Variants in COL6A6 observed in about 807,000 individuals in gnomAD.
COL6A6 encodes the protein collagen alpha-6(VI) chain.
Under a neutral mutation model 208.6 loss-of-function variants are expected in COL6A6, and 183 were observed. The observed-to-expected ratio is 0.88, with a 90% CI of 0.78 to 0.99. The LOEUF (loss-of-function observed/expected upper bound fraction) is 0.99. Ranked by LOEUF, COL6A6 falls within the 50% of genes least tolerant of loss-of-function variation. The pLI is 0.00. For missense variants in COL6A6, 2,816 were observed against 2,815.2 expected, an observed-to-expected ratio of 1.00 and a Z score of -0.01; for synonymous variants, 973 against 1,011.8, an observed-to-expected ratio of 0.96 and a Z score of 0.73.
At chr3:130,619,058 T>C (rs1369347048) in intron 23 of COL6A6, among the ~76,000 whole-genome samples, 2 of 152,220 alleles carry the variant, frequency 1.3e-5, no homozygotes, top group Admixed American at 6.5e-5. Flanking sequence ...TTCATCCCTC[T>C]TGAGAATCTT....
chr3:130,571,452 A>G (rs2063165738), intron 7 of COL6A6, 59 bp downstream of exon 7: 2 of 1,309,756 alleles, frequency 1.5e-6, no homozygotes, highest in Non-Finnish European at 1.0e-6. Flanking sequence ...TGAGAGAGAA[A>G]GCAAAGCAAT....
chr3:130,600,758 G>T (rs548754776), intron 20 of COL6A6, among the ~76,000 whole-genome samples: 38 of 152,304 alleles, frequency 2.5e-4, no homozygotes, highest in African/African-American at 8.9e-4. Context: ...AATAGCTAAT[G>T]CATGTGGGGC....
intron 20 of COL6A6, among the ~76,000 whole-genome samples, chr3:130,606,012 A>T (rs2064173131): frequency 1.3e-5 from 2 of 152,226 alleles, no homozygotes; most frequent in South Asian, 4.1e-4. Context: ...TGGGAGCTAC[A>T]ATTCAAGATG....
intron 34 of COL6A6, among the ~76,000 whole-genome samples, chr3:130,661,416 G>C (rs962488610): frequency 1.3e-5 from 2 of 152,238 alleles, no homozygotes; most frequent in African/African-American, 4.8e-5. Context: ...AAGTCTGATA[G>C]CATTAGTAAA....
intron 23 of COL6A6, among the ~76,000 whole-genome samples, chr3:130,617,849 G>T (rs1169559422): frequency 6.6e-6 from 1 of 152,122 alleles, no homozygotes; most frequent in Admixed American, 6.5e-5. Context: ...CAAAGTCAAG[G>T]TGTCCTTGGC....
Position 130,574,374 on chromosome 3 carries a change from C to G in COL6A6, c.3396C>G (p.Ile1132Met). 1 of 1,614,044 alleles carries G rather than the reference C, an allele frequency of 6.2e-7. No individual in the cohort carries two copies. Among genetic ancestry groups the G allele is most frequent in the Non-Finnish European group, 8.5e-7 (1 of 1,179,898 alleles). Residue 1132 changes from isoleucine (I) to methionine (M), a missense_variant, in exon 8 of 37, where the codon ATC (isoleucine) becomes ATG (methionine). Coordinates refer to ENST00000358511, the MANE Select transcript of COL6A6 (RefSeq NM_001102608.3). ...CCCTGAGACACAGAGGTATCGACATCTACTCCGTGGGCATTGGGGATGTGG... is the reference window on the plus strand; with the variant it reads ...CCCTGAGACACAGAGGTATCGACATGTACTCCGTGGGCATTGGGGATGTGG... ...AEALRHRGID[I>M]YSVGIGDVDD...
intron 36 of COL6A6, among the ~76,000 whole-genome samples, chr3:130,668,068 G>A (rs1440268134): frequency 6.6e-6 from 1 of 150,656 alleles, no homozygotes; most frequent in Non-Finnish European, 1.5e-5. Context: ...ACAAGCAGAA[G>A]GCACAAAGAC....
In COL6A6 at chr3:130,529,246, A is replaced by G. The variant is rs191633152; in HGVS notation, c.-32+11849A>G. 2.4e-3 allele frequency among the ~76,000 whole-genome samples: 358 copies of G among 151,470 alleles called. 3 individuals carry two copies. Among genetic ancestry groups the G allele is most frequent in the African/African-American group, 8.2e-3 (336 of 41,080 alleles). On this transcript the variant is annotated intron_variant, in intron 1 of 36. Coordinates refer to ENST00000358511, the MANE Select transcript of COL6A6 (RefSeq NM_001102608.3). The stretch of plus-strand genomic sequence containing the variant: ...ACCAATAGCTTTCAATGAAGGGGGG[A>G]AAAACACAGCAGGAAATGTACAAAA...
rs1576328156 is a variant in COL6A6 at position 130,611,911 on chromosome 3, G to A, written c.4815+1200G>A. Among the ~76,000 whole-genome samples the A allele has an allele frequency of 1.3e-5, 2 of 152,202 alleles. 1 individual carries two copies. Among genetic ancestry groups the A allele is most frequent in the South Asian group, 4.2e-4 (2 of 4,812 alleles). On this transcript the variant is annotated intron_variant, in intron 23 of 36. Coordinates refer to ENST00000358511, the MANE Select transcript of COL6A6 (RefSeq NM_001102608.3). ...AGATAATAAGCATAGTACTAAATAAGTATTTTTTTCCGATCCTTTCCCATC... is the reference window on the plus strand; with the variant it reads ...AGATAATAAGCATAGTACTAAATAAATATTTTTTTCCGATCCTTTCCCATC...
At chr3:130,657,118 C>G (rs955405389) in intron 33 of COL6A6, among the ~76,000 whole-genome samples, 2 of 152,374 alleles carry the variant, frequency 1.3e-5, no homozygotes, top group East Asian at 1.9e-4. Flanking sequence ...GGAGCCACAG[C>G]TGGATGGCCG....
chr3:130,635,578 A>G, intron 27 of COL6A6, 121 bp from the exon 28 acceptor site: 1 of 665,832 alleles, frequency 1.5e-6, no homozygotes, highest in East Asian at 2.8e-5. Flanking sequence ...CTCTTCAAAG[A>G]TGACTGTTAA....
intron 1 of COL6A6, among the ~76,000 whole-genome samples, chr3:130,557,141 A>G (rs1213106588): frequency 6.6e-6 from 1 of 152,182 alleles, no homozygotes; most frequent in Non-Finnish European, 1.5e-5. Context: ...ATGACACCTT[A>G]TAGCCTGTGC....
intron 28 of COL6A6, among the ~76,000 whole-genome samples, chr3:130,641,416 CA>C (rs749171963): frequency 1.3e-5 from 2 of 151,056 alleles, no homozygotes; most frequent in Middle Eastern, 3.4e-3. Context: ...GTCTTAATTC[CA>C]AAAAAAATAA....
intron 36 of COL6A6, among the ~76,000 whole-genome samples, chr3:130,668,341 G>A (rs925355972): frequency 9.2e-5 from 14 of 152,098 alleles, no homozygotes; most frequent in Non-Finnish European, 1.9e-4. Flanking sequence ...AGCTGGGCGT[G>A]GTGGCGGGCA....
At position 130,617,591 on chromosome 3, in the gene COL6A6, CAG is replaced by C. The variant is rs145032651; in HGVS notation, c.4816-4228_4816-4227del. Among the ~76,000 whole-genome samples the C allele has an allele frequency of 2.6e-3, 389 of 152,280 alleles. 1 individual carries two copies. The highest frequency in any genetic ancestry group is 9.0e-3 in the African/African-American group (373 of 41,562). ...ACTAGTACTGTCAAGATTGACATCTCAGATGTTTTGGGGTTTGTTCTTGCATT... is the reference window on the plus strand; with the variant it reads ...ACTAGTACTGTCAAGATTGACATCTCATGTTTTGGGGTTTGTTCTTGCATT... On this transcript the variant is annotated intron_variant, in intron 23 of 36. Coordinates refer to ENST00000358511, the MANE Select transcript of COL6A6 (RefSeq NM_001102608.3).
chr3:130,533,064 A>G (rs2062139021), intron 1 of COL6A6, among the ~76,000 whole-genome samples: 1 of 152,028 alleles, frequency 6.6e-6, no homozygotes, highest in Non-Finnish European at 1.5e-5. Context: ...TGAGTCCATC[A>G]CTTCTGCCAC....
At chr3:130,637,671 G>A (rs911461084) in intron 28 of COL6A6, among the ~76,000 whole-genome samples, 4 of 152,156 alleles carry the variant, frequency 2.6e-5, no homozygotes, top group Non-Finnish European at 2.9e-5. Flanking sequence ...TGAATGCTTC[G>A]TCAGTTCTCT....
intron 36 of COL6A6, among the ~76,000 whole-genome samples, chr3:130,674,744 G>A (rs1290228995): frequency 6.6e-6 from 1 of 152,138 alleles, no homozygotes; most frequent in African/African-American, 2.4e-5. Context: ...TGTCTGGTTG[G>A]GTGGAAAAGT....
chr3:130,589,561 G>A (rs1388378004), intron 12 of COL6A6, among the ~76,000 whole-genome samples: 2 of 152,154 alleles, frequency 1.3e-5, no homozygotes, highest in South Asian at 2.1e-4. Flanking sequence ...TAAAATCAAA[G>A]CGAAGATACT....
Sources: allele counts gnomAD v4.1 joint callset (sites outside exome capture counted in the v4.1 genomes callset), GRCh38; gene constraint gnomAD v4.1.1; transcripts MANE v1.5; gene names NCBI Gene and HGNC (gene_info 2026-07-23, HGNC 2026-07-21).